Variants in ULK1 observed in about 807,000 individuals in gnomAD.
ULK1 encodes serine/threonine-protein kinase ULK1.
A neutral mutation model predicts 117.5 loss-of-function variants in ULK1; 48 were observed. That is an observed-to-expected ratio of 0.41 (90% CI 0.32 to 0.52). ULK1 has a LOEUF of 0.52. ULK1 is among the 20% of genes least tolerant of loss of function. The pLI, the probability that ULK1 is intolerant of heterozygous loss-of-function variation, is 0.29. For missense variants in ULK1, 1,387 were observed against 1,473.4 expected (o/e 0.94, Z 0.96); for synonymous variants, 790 against 637.8 (o/e 1.24, Z -3.60).
chr12:131,920,212 T>TG, intron 26 of ULK1, 76 bp downstream of exon 26: 1 of 1,543,610 alleles, frequency 6.5e-7, no homozygotes, highest in South Asian at 1.2e-5. Context: ...GACGGGACCT[T>TG]GATGCCCACA....
chr12:131,909,121 C>A lies in ULK1; in HGVS notation c.565-15C>A. 1 of 1,603,000 alleles carries A rather than the reference C, an allele frequency of 6.2e-7. No individual in the cohort carries two copies. The highest frequency in any genetic ancestry group is 8.5e-7 in the Non-Finnish European group (1 of 1,175,614). On this transcript the variant is annotated splice_polypyrimidine_tract_variant and intron_variant, in intron 7 of 27. Transcript: ENST00000321867. ...GTGCGGGGGCCTCACACTGACCCGA[C>A]TTCTGGTCCCGCAGGCCCCCGAGGT...
intron 14 of ULK1, 128 bp from the exon 15 acceptor site, chr12:131,913,619 C>T (rs1237383857): frequency 9.7e-6 from 6 of 620,856 alleles, no homozygotes; most frequent in African/African-American, 3.9e-5. Flanking sequence ...GCAGGAGAAT[C>T]GCTTGAACCC....
At chr12:131,914,196 G>A (rs1889671004) in intron 15 of ULK1, among the ~76,000 whole-genome samples, 156 bp from the exon 16 acceptor site, 2 of 152,216 alleles carry the variant, frequency 1.3e-5, no homozygotes, top group Admixed American at 1.3e-4. Flanking sequence ...TAGAGGCATG[G>A]AAGCCGGCTC....
rs368218436 is a variant in ULK1, at chr12:131,901,601, A to T, written c.247-5291A>T. Among the ~76,000 whole-genome samples, 22 of 152,238 alleles carry T rather than the reference A, an allele frequency of 1.4e-4. No individual in the cohort carries two copies. In the East Asian group the frequency reaches 4.1e-3, roughly 28 times the overall value. ...GGTTCCCACACGCTCCCTTTGCCAC[A>T]TGCTGACTTTAAGCCTGGAGGTGGG... is the stretch of plus-strand genomic sequence containing the variant. On this transcript the variant is annotated intron_variant, in intron 3 of 27. Transcript: ENST00000321867.
intron 2 of ULK1, 21 bp downstream of exon 2, chr12:131,895,714 G>T: frequency 6.2e-7 from 1 of 1,614,058 alleles, no homozygotes; most frequent in Non-Finnish European, 8.5e-7. Context: ...GCTGGGGGAG[G>T]GGGCGTGGGC....
intron 3 of ULK1, among the ~76,000 whole-genome samples, chr12:131,901,635 C>T (rs549753386): frequency 6.6e-6 from 1 of 152,130 alleles, no homozygotes; most frequent in Non-Finnish European, 1.5e-5. Context: ...GGATGTCAGC[C>T]GTAGGTTGAG....
intron 26 of ULK1, 83 bp downstream of exon 26, chr12:131,920,219 C>T (rs1367367028): frequency 3.2e-5 from 49 of 1,517,040 alleles, no homozygotes; most frequent in Middle Eastern, 1.7e-4. Flanking sequence ...CCTTGATGCC[C>T]ACAGCGTGGT....
At chr12:131,911,796 C>G in intron 12 of ULK1, 146 bp from the exon 13 acceptor site, 1 of 1,124,324 alleles carries the variant, frequency 8.9e-7, no homozygotes, top group Non-Finnish European at 1.3e-6. Context: ...AAGAGCGGAG[C>G]ACAGGAAGAA....
chr12:131,910,087 C>G (rs1473284797), intron 10 of ULK1, 86 bp downstream of exon 10: 2 of 1,572,046 alleles, frequency 1.3e-6, no homozygotes, highest in Admixed American at 3.4e-5. Context: ...CGGCTTCACA[C>G]CCAGCCCCAT....
rs201268842 is a variant in ULK1 at position 131,913,849 on chromosome 12, C to G, written c.1247+13C>G. 1 of 1,506,010 alleles carries G rather than the reference C, an allele frequency of 6.6e-7. No homozygotes were observed. The highest frequency in any genetic ancestry group is 2.4e-5 in the Admixed American group (1 of 42,476). 93.3% of individuals were successfully genotyped at this position (1,506,010 alleles called of 1,614,324 possible). A position where few individuals can be genotyped will look rare whatever the true frequency, so the allele number is the denominator to read the frequency against. On this transcript the variant is annotated intron_variant, in intron 15 of 27. Transcript: ENST00000321867. ...CCAGTCCCTCAGGGTAAGCAGGGCC[C>G]CAGGCTGGGTGGATGGGGCTGTGAA...
At position 131,918,626 on chromosome 12, in the gene ULK1, T is replaced by A; in HGVS notation, c.2456T>A (p.Leu819Gln). ...TTTGCCGACCCCATTACTGCGAACC[T>A]GGAGGGGGCTGTGACCTTCGAGGCC... ...CSFADPITAN[L>Q]EGAVTFEAPD... Residue 819 changes from leucine (L) to glutamine (Q), a missense_variant, in exon 23 of 28, where the codon CTG (leucine) becomes CAG (glutamine). By Grantham distance (113) the Leu-to-Gln change is moderately radical. Coordinates refer to ENST00000321867, the MANE Select transcript of ULK1 (RefSeq NM_003565.4). 6.2e-7 allele frequency: 1 copy of A among 1,610,008 alleles called. No homozygotes were observed. Among genetic ancestry groups the A allele is most frequent in the Non-Finnish European group, 8.5e-7 (1 of 1,178,708 alleles).
chr12:131,916,970 G>C lies in ULK1; in HGVS notation c.2090G>C (p.Arg697Pro). ...TCCCACAGGTCTTTCAGCACCAGCC[G>C]CCTCACTGACCTGCTCCTTAAGGCG... is the stretch of plus-strand genomic sequence containing the variant. The part of the protein sequence containing the change: ...GPFGRSFSTS[R>P]LTDLLLKAAF... The change falls in exon 21 of 28, where the codon CGC (arginine) becomes CCC (proline). Residue 697 changes from arginine to proline, a missense_variant. Physicochemically the swap from Arg to Pro is moderately radical, Grantham distance 103. This residue lies in a region of ULK1 where 900 missense variants were observed against 858.9 expected (regional missense o/e 1.05). Coordinates refer to ENST00000321867, the MANE Select transcript of ULK1 (RefSeq NM_003565.4). The C allele has an allele frequency of 6.2e-7, 1 of 1,611,628 alleles. No individual in the cohort carries two copies. The highest frequency in any genetic ancestry group is 1.3e-5 in the African/African-American group (1 of 74,854).
In ULK1 at chr12:131,916,848, C is replaced by T. The variant is rs1889811828; in HGVS notation, c.2073-105C>T. On this transcript the variant is annotated intron_variant, in intron 20 of 27. Coordinates refer to ENST00000321867, the MANE Select transcript of ULK1 (RefSeq NM_003565.4). ...GGAGCGCCTGCCTCTCGAGGTGGGC[C>T]AGGAGACCGTGCATCATGTGTGTCT... 3.4e-5 allele frequency: 39 copies of T among 1,133,682 alleles called. No homozygotes were observed. In the South Asian group the frequency reaches 4.8e-4, roughly 14 times the overall value. 70.2% of individuals were successfully genotyped at this position (1,133,682 alleles called of 1,614,324 possible).
chr12:131,911,905 C>T, intron 12 of ULK1, 37 bp from the exon 13 acceptor site: 1 of 1,612,672 alleles, frequency 6.2e-7, no homozygotes, highest in Non-Finnish European at 8.5e-7. Flanking sequence ...GTGTAGGTCC[C>T]TGAGACCTGC....
rs1323955118 is a variant in ULK1, at chr12:131,921,929, T to G, written c.*568T>G. ...GGCCTGGTGTTTGTACATACACATA[T>G]GCAGACACATGCCAGGGCCCCCCAA... is the stretch of plus-strand genomic sequence containing the variant. On this transcript the variant is annotated 3_prime_UTR_variant, in exon 28 of 28. Transcript: ENST00000321867. The G allele has an allele frequency of 2.2e-6, 1 of 456,334 alleles. No individual in the cohort carries two copies. Among genetic ancestry groups the G allele is most frequent in the Non-Finnish European group, 4.4e-6 (1 of 226,942 alleles). 28.3% of individuals were successfully genotyped at this position (456,334 alleles called of 1,614,324 possible). A position where few individuals can be genotyped will look rare whatever the true frequency, so the allele number is the denominator to read the frequency against.
intron 12 of ULK1, 76 bp from the exon 13 acceptor site, chr12:131,911,866 C>G (rs1889551150): frequency 1.2e-6 from 2 of 1,607,412 alleles, no homozygotes; most frequent in Non-Finnish European, 1.7e-6. Flanking sequence ...TCTGGGCCAT[C>G]CCAGGAGGGG....
At chr12:131,904,786 C>T (rs1889207522) in intron 3 of ULK1, among the ~76,000 whole-genome samples, 1 of 152,110 alleles carries the variant, frequency 6.6e-6, no homozygotes, top group Admixed American at 6.6e-5. Context: ...CACCTATGGG[C>T]ACTCACTGGA....
chr12:131,915,324 T>C lies in ULK1; in HGVS notation c.1523-11T>C. On this transcript the variant is annotated splice_polypyrimidine_tract_variant and intron_variant, in intron 17 of 27. Transcript: ENST00000321867. ...CCAGCTGGACCCTGACAGATCTCTC[T>C]TTTCCCCAAGTTGGAACCATCCCTG... 2 of 1,612,554 alleles carry C rather than the reference T, an allele frequency of 1.2e-6. No individual in the cohort carries two copies. Among genetic ancestry groups the C allele is most frequent in the Non-Finnish European group, 1.7e-6 (2 of 1,179,858 alleles).
At chr12:131,912,580 G>A (rs1889586850) in intron 13 of ULK1, among the ~76,000 whole-genome samples, 1 of 152,204 alleles carries the variant, frequency 6.6e-6, no homozygotes. Context: ...CCTGCACTCT[G>A]TCCCTGGCTG....
Sources: allele counts gnomAD v4.1 joint callset (sites outside exome capture counted in the v4.1 genomes callset), GRCh38; gene constraint gnomAD v4.1.1; regional missense constraint gnomAD v4.1.1; transcripts MANE v1.5; gene names NCBI Gene and HGNC (gene_info 2026-07-23, HGNC 2026-07-21).